Variants in OTOL1 observed in about 807,000 individuals in gnomAD.
OTOL1 encodes otolin-1.
A neutral mutation model predicts 25.0 loss-of-function variants in OTOL1; 31 were observed. The ratio of observed to expected loss-of-function variants is 1.24; its 90% CI spans 0.93 to 1.67. The LOEUF is 1.67. Among genes scored for constraint, OTOL1 ranks in the 40% most tolerant of loss-of-function variants. The probability of loss-of-function intolerance (pLI) is 0.00; values close to 1 mark genes in which losing one functional copy is unlikely to be tolerated. For synonymous variants in OTOL1, 225 were observed against 210.3 expected (o/e 1.07, Z -0.61); for missense variants, 654 against 587.7 (o/e 1.11, Z -1.17).
In OTOL1 at chr3:161,499,206, G is replaced by C. The variant is rs1479564605; in HGVS notation, c.400G>C (p.Gly134Arg). The C allele has an allele frequency of 1.2e-6, 2 of 1,611,506 alleles. No individual in the cohort carries two copies. Among genetic ancestry groups the C allele is most frequent in the Non-Finnish European group, 1.7e-6 (2 of 1,178,934 alleles). The change falls in exon 2 of 4, where the codon GGG becomes CGG. Residue 134 changes from glycine (G) to arginine (R), a missense_variant. Physicochemically the swap from Gly to Arg is moderately radical, Grantham distance 125 (BLOSUM62 -2). Transcript: ENST00000327928. ...AGAGGCTGGAAATTTGGGGATCCCAGGGCCACCAGGAGTTGTTGGGCCCCA... is the reference window on the plus strand; with the variant it reads ...AGAGGCTGGAAATTTGGGGATCCCACGGCCACCAGGAGTTGTTGGGCCCCA... ...KGEAGNLGIP[G>R]PPGVVGPQGP...
Position 161,502,361 on chromosome 3 carries a change from G to A in OTOL1, c.509G>A (p.Gly170Glu). Residue 170 changes from glycine to glutamate, a missense_variant, in exon 3 of 4, where the codon GGA (glycine) becomes GAA (glutamate). Gly to Glu is a moderately conservative substitution (Grantham distance 98). Coordinates refer to ENST00000327928, the MANE Select transcript of OTOL1 (RefSeq NM_001080440.1). ...GTTCCAGGATACCCAGGAAAACCGG[G>A]AGCACAAGGTAGAGCATGAAATGTA... ...QGVPGYPGKP[G>E]AQGEPGPKGD... The A allele has an allele frequency of 6.2e-7, 1 of 1,613,134 alleles. No homozygotes were observed. Among genetic ancestry groups the A allele is most frequent in the Non-Finnish European group, 8.5e-7 (1 of 1,179,466 alleles).
chr3:161,500,862 A>G (rs1273937998), intron 2 of OTOL1, among the ~76,000 whole-genome samples: 1 of 152,222 alleles, frequency 6.6e-6, no homozygotes, highest in Non-Finnish European at 1.5e-5. Context: ...AAACTCTGCT[A>G]AATGACCTAT....
chr3:161,497,232 GT>G, intron 1 of OTOL1, 61 bp downstream of exon 1: 1 of 1,531,018 alleles, frequency 6.5e-7, no homozygotes, highest in South Asian at 1.3e-5. Context: ...TGAGAGGTAG[GT>G]TGTCGGGTGA....
In OTOL1 at chr3:161,496,928, C is replaced by G. The variant is rs757094491; in HGVS notation, c.121C>G (p.Pro41Ala). ...FTKKSEEREM[P>A]KGLKPSSGPP... ...GAAGAAATCTGAGGAAAGAGAGATGCCAAAGGGTCTAAAGCCATCCAGTGG... is the reference window on the plus strand; with the variant it reads ...GAAGAAATCTGAGGAAAGAGAGATGGCAAAGGGTCTAAAGCCATCCAGTGG... The change falls in exon 1 of 4, where the codon CCA becomes GCA. Residue 41 changes from proline (P) to alanine (A), a missense_variant. Pro to Ala is a conservative substitution (Grantham distance 27). Transcript: ENST00000327928. 5 of 1,613,286 alleles carry G rather than the reference C, an allele frequency of 3.1e-6. No individual in the cohort carries two copies. Among genetic ancestry groups the G allele is most frequent in the Non-Finnish European group, 4.2e-6 (5 of 1,179,624 alleles).
At chr3:161,501,867 AC>A (rs1216768756) in intron 2 of OTOL1, among the ~76,000 whole-genome samples, 1 of 152,020 alleles carries the variant, frequency 6.6e-6, no homozygotes, top group African/African-American at 2.4e-5. Flanking sequence ...ATTCCTAATG[AC>A]CCTCAATACA....
At chr3:161,499,140 T>C in intron 1 of OTOL1, 31 bp from the exon 2 acceptor site, 1 of 1,504,022 alleles carries the variant, frequency 6.6e-7, no homozygotes. Flanking sequence ...AGAAATTTTA[T>C]ATTCTGATGT....
At position 161,497,130 on chromosome 3, in the gene OTOL1, T is replaced by A; in HGVS notation, c.323T>A (p.Val108Glu). Residue 108 changes from valine to glutamate, a missense_variant, in exon 1 of 4, where the codon GTA (valine) becomes GAA (glutamate). By Grantham distance (121) the Val-to-Glu change is moderately radical. Coordinates refer to ENST00000327928, the MANE Select transcript of OTOL1 (RefSeq NM_001080440.1). ...FLNCCDCCSP[V>E]PGQKGEPGET... Reference sequence around the variant, plus strand: ...AATTGTTGTGATTGTTGTTCACCTGTACCCGGGCAGAAAGGAGAACCTGGA... The same window carrying A: ...AATTGTTGTGATTGTTGTTCACCTGAACCCGGGCAGAAAGGAGAACCTGGA... The A allele has an allele frequency of 6.2e-7, 1 of 1,613,446 alleles. No individual in the cohort carries two copies. Among genetic ancestry groups the A allele is most frequent in the Non-Finnish European group, 8.5e-7 (1 of 1,179,494 alleles).
chr3:161,498,668 A>G (rs1191977773), intron 1 of OTOL1, among the ~76,000 whole-genome samples: 2 of 152,146 alleles, frequency 1.3e-5, no homozygotes, highest in Non-Finnish European at 1.5e-5. Flanking sequence ...TTAAATGTTT[A>G]TCTTTCATAG....
chr3:161,503,283 G>C lies in OTOL1; in HGVS notation c.775G>C (p.Gly259Arg), dbSNP rs1719022394. The change falls in exon 4 of 4, where the codon GGG (glycine) becomes CGG (arginine). Residue 259 changes from glycine (G) to arginine (R), a missense_variant. By Grantham distance (125) the Gly-to-Arg change is moderately radical (BLOSUM62 -2). Transcript: ENST00000327928. ...GGGAGGAAAAGGACAGAAAGGTGAG[G>C]GGGGTATGAAAGGGGAAAAAGGTAG... ...ERGGKGQKGE[G>R]GMKGEKGSKG... The C allele has an allele frequency of 1.3e-6, 2 of 1,490,464 alleles. No homozygotes were observed. The highest frequency in any genetic ancestry group is 1.8e-6 in the Non-Finnish European group (2 of 1,121,826). 92.3% of individuals were successfully genotyped at this position (1,490,464 alleles called of 1,614,324 possible).
In OTOL1 at chr3:161,503,087, A is replaced by C. The variant is rs757219875; in HGVS notation, c.579A>C (p.Lys193Asn). The C allele has an allele frequency of 1.4e-6, 2 of 1,396,828 alleles. 1 individual carries two copies. The highest frequency in any genetic ancestry group is 4.1e-5 in the South Asian group (2 of 48,994). 86.5% of individuals were successfully genotyped at this position (1,396,828 alleles called of 1,614,324 possible). A position where few individuals can be genotyped will look rare whatever the true frequency, so the allele number is the denominator to read the frequency against. Residue 193 changes from lysine to asparagine, a missense_variant, in exon 4 of 4, where the codon AAA (lysine) becomes AAC (asparagine). Coordinates refer to ENST00000327928, the MANE Select transcript of OTOL1 (RefSeq NM_001080440.1). ...NIGLGGVKGQ[K>N]GSKGDTCGNC... is the part of the protein sequence containing the mutation. ...GTTTGGGAGGAGTGAAAGGACAAAA[A>C]GGCTCCAAGGGAGACACATGTGGGA...
Position 161,503,257 on chromosome 3 carries a change from G to C in OTOL1, c.749G>C (p.Arg250Thr). The C allele has an allele frequency of 2.1e-6, 3 of 1,463,336 alleles. No homozygotes were observed. Among genetic ancestry groups the C allele is most frequent in the Non-Finnish European group, 2.7e-6 (3 of 1,107,886 alleles). The allele number at this position is 1,463,336 out of a possible 1,614,324, so 90.6% of individuals were successfully genotyped here. A position where few individuals can be genotyped will look rare whatever the true frequency, so the allele number is the denominator to read the frequency against. ...GGCTGCTGTGGAGATTCTGGGGAGA[G>C]GGGAGGAAAAGGACAGAAAGGTGAG... ...DKGCCGDSGE[R>T]GGKGQKGEGG... is the part of the protein sequence containing the mutation. The change falls in exon 4 of 4, where the codon AGG becomes ACG. Residue 250 changes from arginine to threonine, a missense_variant. Transcript: ENST00000327928.
chr3:161,497,150 C>T lies in OTOL1; in HGVS notation c.343C>T (p.Pro115Ser). ...ACCTGTACCCGGGCAGAAAGGAGAA[C>T]CTGGAGAGACTGGACAGCCAGGTAT... ...CSPVPGQKGEPGETGQPGPKG... is the reference protein window; with the variant it reads ...CSPVPGQKGESGETGQPGPKG... Residue 115 changes from proline to serine, a missense_variant, in exon 1 of 4, where the codon CCT becomes TCT. By Grantham distance (74) the Pro-to-Ser change is moderately conservative. Coordinates refer to ENST00000327928, the MANE Select transcript of OTOL1 (RefSeq NM_001080440.1). 6.2e-7 allele frequency: 1 copy of T among 1,612,002 alleles called. No individual in the cohort carries two copies. Among genetic ancestry groups the T allele is most frequent in the Non-Finnish European group, 8.5e-7 (1 of 1,178,976 alleles).
chr3:161,498,227 G>A (rs1345750343), intron 1 of OTOL1, among the ~76,000 whole-genome samples: 1 of 152,162 alleles, frequency 6.6e-6, no homozygotes, highest in Non-Finnish European at 1.5e-5. Flanking sequence ...GCATGGTCAA[G>A]TAGACACAGC....
chr3:161,503,784 C>A lies in OTOL1; in HGVS notation c.1276C>A (p.Gln426Lys). The change falls in exon 4 of 4, where the codon CAG becomes AAG. Residue 426 changes from glutamine to lysine, a missense_variant. Physicochemically the swap from Gln to Lys is moderately conservative, Grantham distance 53. Transcript: ENST00000327928. ...RETLYGQEID[Q>K]ASLLVILKLS... Reference sequence around the variant, plus strand: ...AACTCTCTATGGTCAGGAAATAGACCAGGCCTCTCTCCTCGTCATCTTGAA... The same window carrying A: ...AACTCTCTATGGTCAGGAAATAGACAAGGCCTCTCTCCTCGTCATCTTGAA... 1.2e-6 allele frequency: 2 copies of A among 1,613,802 alleles called. No homozygotes were observed. Among genetic ancestry groups the A allele is most frequent in the Non-Finnish European group, 8.5e-7 (1 of 1,179,840 alleles).
At chr3:161,501,020 C>T (rs1225156740) in intron 2 of OTOL1, among the ~76,000 whole-genome samples, 1 of 152,062 alleles carries the variant, frequency 6.6e-6, no homozygotes, top group African/African-American at 2.4e-5. Flanking sequence ...AAATTGATGC[C>T]AACCAATGTT....
At position 161,497,039 on chromosome 3, in the gene OTOL1, G is replaced by A. The variant is rs199791179; in HGVS notation, c.232G>A (p.Val78Ile). 7.7e-4 allele frequency: 1,243 copies of A among 1,613,682 alleles called. 2 individuals carry two copies. Among genetic ancestry groups the A allele is most frequent in the Middle Eastern group, 3.5e-3 (21 of 6,062 alleles). ...TACCAAACCCTCGGCCTTGGATTCT[G>A]TCTTTGGCACTGCCACTCTCTCTCC... ...PITKPSALDSVFGTATLSPFE... is the reference protein window; with the variant it reads ...PITKPSALDSIFGTATLSPFE... Residue 78 changes from valine to isoleucine, a missense_variant, in exon 1 of 4, where the codon GTC becomes ATC. By Grantham distance (29) the Val-to-Ile change is conservative. Transcript: ENST00000327928.
At position 161,503,501 on chromosome 3, in the gene OTOL1, A is replaced by T. The variant is rs757014427; in HGVS notation, c.993A>T (p.Lys331Asn). 4 of 1,613,588 alleles carry T rather than the reference A, an allele frequency of 2.5e-6. No individual in the cohort carries two copies. Among genetic ancestry groups the T allele is most frequent in the Non-Finnish European group, 3.4e-6 (4 of 1,179,778 alleles). The change falls in exon 4 of 4, where the codon AAA becomes AAT. Residue 331 changes from lysine to asparagine, a missense_variant. By Grantham distance (94) the Lys-to-Asn change is moderately conservative. Coordinates refer to ENST00000327928, the MANE Select transcript of OTOL1 (RefSeq NM_001080440.1). Reference sequence around the variant, plus strand: ...GGAAGAAGGGCTCTCGGGGCTTTAAAGGCTCCAAGGGTGAGTTGGCTAGAG... The same window carrying T: ...GGAAGAAGGGCTCTCGGGGCTTTAATGGCTCCAAGGGTGAGTTGGCTAGAG... ...PTGKKGSRGF[K>N]GSKGELARVP...
intron 2 of OTOL1, among the ~76,000 whole-genome samples, chr3:161,501,038 G>C (rs1427844560): frequency 6.6e-6 from 1 of 152,136 alleles, no homozygotes; most frequent in African/African-American, 2.4e-5. Context: ...GTTATATGTA[G>C]TTGTATTTGA....
chr3:161,499,321 A>G, intron 2 of OTOL1, 61 bp downstream of exon 2: 2 of 1,288,274 alleles, frequency 1.6e-6, no homozygotes, highest in South Asian at 1.4e-5. Flanking sequence ...CAGGAGAGCA[A>G]TTTGCTACTT....
Sources: gnomAD v4.1 joint callset for allele counts (sites outside exome capture counted in the v4.1 genomes callset) on GRCh38, gnomAD v4.1.1 for gene constraint, MANE v1.5 for transcripts, NCBI Gene and HGNC (gene_info 2026-07-23, HGNC 2026-07-21) for gene names.